The following WFDC8 variants were observed in gnomAD, a reference collection of about 807,000 sequenced individuals.
WFDC8 encodes the protein WAP four-disulfide core domain 8, also known as WAP four-disulfide core domain protein 8.
In WFDC8, 24 loss-of-function variants were observed where a neutral mutation model predicts 27.0. The observed-to-expected ratio is 0.89, with a 90% CI of 0.64 to 1.25. The LOEUF (loss-of-function observed/expected upper bound fraction) is 1.25, where lower values mean the gene tolerates loss of function less well. WFDC8 is among the 50% of genes most tolerant of loss of function. WFDC8 has a pLI of 0.00. For missense variants in WFDC8, 287 were observed against 295.9 expected, an observed-to-expected ratio of 0.97 and a Z score of 0.22; for synonymous variants, 106 against 99.7, an observed-to-expected ratio of 1.06 and a Z score of -0.38.
Position 45,562,173 on chromosome 20 carries a change from A to G in WFDC8, c.73T>C (p.Phe25Leu). The G allele has an allele frequency of 6.2e-7, 1 of 1,614,162 alleles. No homozygotes were observed. The highest frequency in any genetic ancestry group is 8.5e-7 in the Non-Finnish European group (1 of 1,180,016). ...SPTFSWRNVAFLLLLSLALEW... is the reference protein window; with the variant it reads ...SPTFSWRNVALLLLLSLALEW... ...AAAGCAAGGGAGAGAAGCAGCAGGA[A>G]AGCTACATTCCTCCAGGAGAAGGTG... Residue 25 changes from phenylalanine to leucine, a missense_variant, in exon 2 of 6, where the codon TTC (phenylalanine) becomes CTC (leucine). By Grantham distance (22) the Phe-to-Leu change is conservative. Coordinates refer to ENST00000289953, the MANE Select transcript of WFDC8 (RefSeq NM_130896.3).
intron 1 of WFDC8, among the ~76,000 whole-genome samples, chr20:45,570,847 A>C (rs1268529263): frequency 6.6e-6 from 1 of 152,170 alleles, no homozygotes; most frequent in African/African-American, 2.4e-5. Context: ...AAATGCTTTT[A>C]TTTTAGTCGT....
intron 1 of WFDC8, among the ~76,000 whole-genome samples, chr20:45,564,784 A>G (rs953112083): frequency 2.6e-5 from 4 of 151,536 alleles, no homozygotes; most frequent in Non-Finnish European, 5.9e-5. Flanking sequence ...CAGTGTTTCA[A>G]TGAGCCATGA....
intron 3 of WFDC8, 92 bp from the exon 4 acceptor site, chr20:45,555,960 A>T: frequency 7.5e-7 from 1 of 1,333,590 alleles, no homozygotes; most frequent in East Asian, 2.3e-5. Flanking sequence ...TCCTGGTGTT[A>T]TCACCCAAGT....
intron 3 of WFDC8, among the ~76,000 whole-genome samples, chr20:45,558,161 C>T (rs575248438): frequency 5.9e-5 from 9 of 152,294 alleles, no homozygotes; most frequent in Non-Finnish European, 1.0e-4. Context: ...ATTGCCCCCG[C>T]TTTCTGACAG....
intron 1 of WFDC8, among the ~76,000 whole-genome samples, chr20:45,573,369 G>A (rs937884162): frequency 6.6e-6 from 1 of 152,112 alleles, no homozygotes; most frequent in Non-Finnish European, 1.5e-5. Context: ...ATTGTATAGT[G>A]GTGAAGTCTG....
chr20:45,552,038 G>A lies in WFDC8; in HGVS notation c.714C>T (p.Asp238=). The A allele has an allele frequency of 6.2e-7, 1 of 1,613,932 alleles. No homozygotes were observed. The highest frequency in any genetic ancestry group is 8.5e-7 in the Non-Finnish European group (1 of 1,179,884). ...TTCTACTTACTATTCAACGTCTGGG[G>A]TCCATACATTTCAGTCCACAATGTG... is the stretch of plus-strand genomic sequence containing the variant. ...CCSHCGLKCM[D]PRR The change falls in exon 6 of 6, where the codon GAC becomes GAT. Residue 238 remains aspartate, a synonymous_variant. Coordinates refer to ENST00000289953, the MANE Select transcript of WFDC8 (RefSeq NM_130896.3).
At chr20:45,570,735 T>C (rs1825355709) in intron 1 of WFDC8, among the ~76,000 whole-genome samples, 2 of 152,238 alleles carry the variant, frequency 1.3e-5, no homozygotes, top group Non-Finnish European at 2.9e-5. Flanking sequence ...GCCAAACTCT[T>C]TTCCAAAGTC....
At chr20:45,567,619 A>G (rs551812703) in intron 1 of WFDC8, among the ~76,000 whole-genome samples, 1 of 152,336 alleles carries the variant, frequency 6.6e-6, no homozygotes, top group Non-Finnish European at 1.5e-5. Flanking sequence ...TAAAATGCTC[A>G]TGCTTTAAAT....
chr20:45,551,813 C>T lies in WFDC8; in HGVS notation c.*213G>A, dbSNP rs888739736. On this transcript the variant is annotated 3_prime_UTR_variant, in exon 6 of 6. Coordinates refer to ENST00000289953, the MANE Select transcript of WFDC8 (RefSeq NM_130896.3). The stretch of plus-strand genomic sequence containing the variant: ...ATTATTTTGGAGGTTCTACACAATA[C>T]AAGAAGACAAGAAAATAAAGTCATG... The T allele has an allele frequency of 3.8e-6, 2 of 522,266 alleles. No homozygotes were observed. The highest frequency in any genetic ancestry group is 3.3e-6 in the Non-Finnish European group (1 of 300,676). The allele number at this position is 522,266 out of a possible 1,614,324, so 32.4% of individuals were successfully genotyped here.
chr20:45,560,998 C>A (rs1980445929), intron 2 of WFDC8, among the ~76,000 whole-genome samples: 1 of 152,162 alleles, frequency 6.6e-6, no homozygotes, highest in African/African-American at 2.4e-5. Context: ...TACTTGGGAA[C>A]CATTGTTCTA....
intron 4 of WFDC8, 121 bp downstream of exon 4, chr20:45,555,580 T>C: frequency 8.7e-7 from 1 of 1,150,846 alleles, no homozygotes; most frequent in Non-Finnish European, 1.2e-6. Flanking sequence ...TCCCAGCCAG[T>C]GAATGACAGA....
chr20:45,579,197 C>T (rs372889414), intron 1 of WFDC8, 25 bp downstream of exon 1: 124 of 1,612,912 alleles, frequency 7.7e-5, no homozygotes, highest in Middle Eastern at 6.6e-4. Flanking sequence ...GTCTGGCTAC[C>T]CACCCCCATA....
rs540480580 is a variant in WFDC8, at chr20:45,553,229, A to G, written c.493T>C (p.Cys165Arg). ...PLFPFTERKE[C>R]PPSCHSDIDC... ...ATGTCACTGTGACATGAAGGTGGAC[A>G]CTCCTTACGTTCAGTGAAAGGGAAG... Residue 165 changes from cysteine to arginine, a missense_variant, in exon 5 of 6, where the codon TGT becomes CGT. Transcript: ENST00000289953. 1.2e-6 allele frequency: 2 copies of G among 1,613,720 alleles called. No homozygotes were observed. Among genetic ancestry groups the G allele is most frequent in the South Asian group, 1.1e-5 (1 of 91,060 alleles).
Position 45,559,099 on chromosome 20 carries a change from G to A in WFDC8, c.137-107C>T, listed in dbSNP as rs368597408. ...TCTCTCAGCCCTATCCTCTACCTTCGATTCTTAGTTCTTGCTCTGCTTATA... is the reference window on the plus strand; with the variant it reads ...TCTCTCAGCCCTATCCTCTACCTTCAATTCTTAGTTCTTGCTCTGCTTATA... On this transcript the variant is annotated intron_variant, in intron 2 of 5. Transcript: ENST00000289953. 4.5e-5 allele frequency: 63 copies of A among 1,392,346 alleles called. No individual in the cohort carries two copies. In the African/African-American group the frequency reaches 5.2e-4, roughly 11 times the overall value. The allele number at this position is 1,392,346 out of a possible 1,614,324, so 86.2% of individuals were successfully genotyped here. A position where few individuals can be genotyped will look rare whatever the true frequency, so the allele number is the denominator to read the frequency against.
At chr20:45,573,496 C>A (rs1431267459) in intron 1 of WFDC8, among the ~76,000 whole-genome samples, 1 of 152,164 alleles carries the variant, frequency 6.6e-6, no homozygotes, top group African/African-American at 2.4e-5. Context: ...CATCATACCA[C>A]CTGTATACCT....
intron 2 of WFDC8, among the ~76,000 whole-genome samples, chr20:45,561,899 T>C (rs966162917): frequency 6.6e-6 from 1 of 151,970 alleles, no homozygotes; most frequent in African/African-American, 2.4e-5. Context: ...TCCTTACATA[T>C]ATAAAAATAT....
At position 45,576,099 on chromosome 20, in the gene WFDC8, T is replaced by G. The variant is rs1402492805; in HGVS notation, c.26+3123A>C. On this transcript the variant is annotated intron_variant, in intron 1 of 5. Transcript: ENST00000289953. The stretch of plus-strand genomic sequence containing the variant: ...CTACATTCTGATACCGGAGAAGGAT[T>G]GTCTCTAAATATTGAGTACAGAACA... Among the ~76,000 whole-genome samples, 2 of 151,470 alleles carry G rather than the reference T, an allele frequency of 1.3e-5. 1 individual carries two copies. Among genetic ancestry groups the G allele is most frequent in the African/African-American group, 4.8e-5 (2 of 41,376 alleles).
chr20:45,556,923 G>C (rs1325348359), intron 3 of WFDC8, among the ~76,000 whole-genome samples: 2 of 152,138 alleles, frequency 1.3e-5, no homozygotes, highest in Non-Finnish European at 2.9e-5. Flanking sequence ...ACCAAAAAAG[G>C]TCATGGTCAC....
At chr20:45,567,796 A>G (rs983824160) in intron 1 of WFDC8, among the ~76,000 whole-genome samples, 2 of 152,238 alleles carry the variant, frequency 1.3e-5, no homozygotes, top group African/African-American at 4.8e-5. Context: ...TTGAACAGAG[A>G]AACATTCTGT....
Sources: gnomAD v4.1 joint callset for allele counts (sites outside exome capture counted in the v4.1 genomes callset) on GRCh38, gnomAD v4.1.1 for gene constraint, MANE v1.5 for transcripts, NCBI Gene and HGNC (gene_info 2026-07-23, HGNC 2026-07-21) for gene names.